Variants in MTX2 observed in about 807,000 individuals in gnomAD.
MTX2 encodes the protein metaxin-2.
In MTX2, 35 loss-of-function variants were observed where a neutral mutation model predicts 42.3. That is an observed-to-expected ratio of 0.83 (90% confidence interval 0.63 to 1.10). The LOEUF (loss-of-function observed/expected upper bound fraction) is 1.10, where lower values mean the gene tolerates loss of function less well. MTX2 is among the 50% of genes least tolerant of loss of function. The pLI is 0.00. For synonymous variants in MTX2, 119 were observed against 100.9 expected, an observed-to-expected ratio of 1.18 and a Z score of -1.08; for missense variants, 307 against 304.1, an observed-to-expected ratio of 1.01 and a Z score of -0.07.
chr2:176,337,785 A>T lies in MTX2; in HGVS notation c.*121A>T. ...TGCTTTTTGAAACCTCAAATTATAT[A>T]ATGTATCTTATGTATGTGCTTTATA... On this transcript the variant is annotated 3_prime_UTR_variant, in exon 10 of 10. Coordinates refer to ENST00000249442, the MANE Select transcript of MTX2 (RefSeq NM_006554.5). The T allele has an allele frequency of 1.2e-6, 1 of 839,368 alleles. No homozygotes were observed. Among genetic ancestry groups the T allele is most frequent in the South Asian group, 2.1e-5 (1 of 47,980 alleles). The allele number at this position is 839,368 out of a possible 1,614,324, so 52.0% of individuals were successfully genotyped here.
At chr2:176,321,508 A>G (rs1684582075) in intron 3 of MTX2, among the ~76,000 whole-genome samples, 1 of 152,158 alleles carries the variant, frequency 6.6e-6, no homozygotes, top group Admixed American at 6.6e-5. Flanking sequence ...CACTTCTCGG[A>G]CAAACACGGG....
chr2:176,318,473 T>G (rs1285152519), intron 3 of MTX2, among the ~76,000 whole-genome samples: 1 of 152,294 alleles, frequency 6.6e-6, no homozygotes, highest in Non-Finnish European at 1.5e-5. Flanking sequence ...GTCACTAAAT[T>G]TATATATAAA....
At chr2:176,328,433 C>A in intron 6 of MTX2, 48 bp downstream of exon 6, 3 of 1,180,734 alleles carry the variant, frequency 2.5e-6, no homozygotes, top group African/African-American at 1.6e-5. Flanking sequence ...TTCTCTCATT[C>A]TCATAAAATA....
intron 3 of MTX2, among the ~76,000 whole-genome samples, chr2:176,301,078 G>T (rs1316791860): frequency 6.6e-6 from 1 of 152,026 alleles, no homozygotes; most frequent in African/African-American, 2.4e-5. Context: ...ATTAACTTTT[G>T]TATCATTCTT....
intron 1 of MTX2, among the ~76,000 whole-genome samples, chr2:176,284,436 G>T (rs1693150256): frequency 6.6e-6 from 1 of 152,132 alleles, no homozygotes; most frequent in Admixed American, 6.5e-5. Context: ...AGTTTGTCAG[G>T]TTTACGAAAT....
At chr2:176,295,379 C>G (rs1199525625) in intron 1 of MTX2, among the ~76,000 whole-genome samples, 1 of 152,014 alleles carries the variant, frequency 6.6e-6, no homozygotes, top group Non-Finnish European at 1.5e-5. Flanking sequence ...CTAATGTCAG[C>G]TTGTTTTTGT....
intron 1 of MTX2, among the ~76,000 whole-genome samples, chr2:176,295,458 T>C (rs1683837651): frequency 1.3e-5 from 2 of 152,178 alleles, no homozygotes; most frequent in Non-Finnish European, 2.9e-5. Flanking sequence ...TTGTTAAAAG[T>C]TGACAGCAAA....
At chr2:176,315,037 G>A (rs1278241127) in intron 3 of MTX2, among the ~76,000 whole-genome samples, 12 of 152,154 alleles carry the variant, frequency 7.9e-5, no homozygotes, top group Admixed American at 7.9e-4. Flanking sequence ...TGTCAGTTGT[G>A]TGCATAAAAG....
intron 9 of MTX2, among the ~76,000 whole-genome samples, chr2:176,333,716 A>G (rs1049113452): frequency 6.6e-6 from 1 of 151,588 alleles, no homozygotes; most frequent in African/African-American, 2.4e-5. Flanking sequence ...ATTGTAATAT[A>G]TTTTTACTTA....
intron 3 of MTX2, among the ~76,000 whole-genome samples, chr2:176,309,641 A>G (rs1684246612): frequency 6.7e-6 from 1 of 148,986 alleles, no homozygotes; most frequent in South Asian, 2.1e-4. Context: ...CTTTACCATT[A>G]TGTAATGGCC....
At chr2:176,308,165 T>G (rs570399149) in intron 3 of MTX2, among the ~76,000 whole-genome samples, 1 of 152,336 alleles carries the variant, frequency 6.6e-6, no homozygotes, top group Admixed American at 6.5e-5. Context: ...ATCATGTGGT[T>G]TTTTTCATTG....
At chr2:176,271,408 C>T (rs1006357942) in intron 1 of MTX2, among the ~76,000 whole-genome samples, 9 of 151,576 alleles carry the variant, frequency 5.9e-5, no homozygotes, top group African/African-American at 2.4e-5. Flanking sequence ...ATTTGATTGC[C>T]GAAAAAATTT....
intron 1 of MTX2, among the ~76,000 whole-genome samples, chr2:176,285,299 CAATAAGTCTTTTAAGATT>C (rs1693170642): frequency 6.6e-6 from 1 of 151,816 alleles, no homozygotes; most frequent in South Asian, 2.1e-4. Flanking sequence ...ACAGTAAGTG[CAATAAGTCTTTTAAGATT>C]TTCTGTTCAG....
intron 3 of MTX2, among the ~76,000 whole-genome samples, chr2:176,303,037 G>A (rs1684063056): frequency 1.3e-5 from 2 of 152,040 alleles, no homozygotes; most frequent in Non-Finnish European, 2.9e-5. Context: ...GGCCATAGTA[G>A]ACAGCTACCT....
chr2:176,332,205 G>A (rs933475041), intron 9 of MTX2, among the ~76,000 whole-genome samples: 1 of 151,300 alleles, frequency 6.6e-6, no homozygotes. Flanking sequence ...AAAGATAGAA[G>A]AGATTTGATT....
intron 3 of MTX2, among the ~76,000 whole-genome samples, chr2:176,300,399 T>G (rs1274448047): frequency 6.6e-6 from 1 of 152,116 alleles, no homozygotes; most frequent in African/African-American, 2.4e-5. Context: ...ACCCAGTATA[T>G]CCAAATATTA....
intron 3 of MTX2, among the ~76,000 whole-genome samples, chr2:176,300,575 T>G (rs984883892): frequency 1.3e-5 from 2 of 152,064 alleles, no homozygotes; most frequent in African/African-American, 4.8e-5. Context: ...CACTGCAGGT[T>G]TAGAATACAA....
At chr2:176,287,991 C>T (rs907267371) in intron 1 of MTX2, among the ~76,000 whole-genome samples, 7 of 104,478 alleles carry the variant, frequency 6.7e-5, no homozygotes, top group Non-Finnish European at 1.4e-4. Context: ...AAACACTGAT[C>T]TCTGACTATT....
intron 3 of MTX2, among the ~76,000 whole-genome samples, chr2:176,310,251 T>C (rs1684269854): frequency 7.1e-6 from 1 of 140,612 alleles, no homozygotes; most frequent in African/African-American, 2.8e-5. Context: ...TCTTCTGGTT[T>C]GTAGGGTTTC....
Sources: allele counts gnomAD v4.1 joint callset (sites outside exome capture counted in the v4.1 genomes callset), GRCh38; gene constraint gnomAD v4.1.1; transcripts MANE v1.5; gene names NCBI Gene and HGNC (gene_info 2026-07-23, HGNC 2026-07-21).